Variants in WNT2B observed in about 807,000 individuals in gnomAD.
WNT2B encodes the protein protein Wnt-2b.
Under a neutral mutation model 40.5 loss-of-function variants are expected in WNT2B, and 19 were observed. The ratio of observed to expected loss-of-function variants is 0.47; its 90% confidence interval spans 0.33 to 0.69. The LOEUF is 0.69. WNT2B is among the 30% of genes least tolerant of loss of function. The probability of loss-of-function intolerance (pLI) is 0.02; values close to 1 mark genes in which losing one functional copy is unlikely to be tolerated. For synonymous variants in WNT2B, 220 were observed against 211.9 expected, an observed-to-expected ratio of 1.04 and a Z score of -0.33; for missense variants, 467 against 556.4, an observed-to-expected ratio of 0.84 and a Z score of 1.62.
chr1:112,495,828 A>T (rs185899390), intron 1 of WNT2B, among the ~76,000 whole-genome samples: 1 of 152,348 alleles, frequency 6.6e-6, no homozygotes, highest in East Asian at 1.9e-4. Flanking sequence ...ACAGTTCTGC[A>T]GGCTGGGAAG....
intron 1 of WNT2B, among the ~76,000 whole-genome samples, chr1:112,470,620 A>C (rs958094007): frequency 6.6e-6 from 1 of 152,200 alleles, no homozygotes; most frequent in East Asian, 1.9e-4. Flanking sequence ...TCATGCTGCT[A>C]TGGTGTACAA....
At position 112,514,992 on chromosome 1, in the gene WNT2B, C is replaced by T. The variant is rs748702984; in HGVS notation, c.301C>T (p.Arg101Ter). The part of the protein sequence containing the change: ...DIMRSVGEGA[R>*]EWIRECQHQF... ...CATGCGTTCAGTGGGCGAGGGTGCCCGAGAATGGATCCGAGAGTGTCAGCA... is the reference window on the plus strand; with the variant it reads ...CATGCGTTCAGTGGGCGAGGGTGCCTGAGAATGGATCCGAGAGTGTCAGCA... The change falls in exon 2 of 5, where the codon CGA becomes TGA. Residue 101 changes from arginine to a stop codon, truncating the protein, a stop_gained. Transcript: ENST00000369684. LOFTEE classifies it high-confidence loss of function. The T allele has an allele frequency of 1.9e-6, 3 of 1,614,144 alleles. No homozygotes were observed. The highest frequency in any genetic ancestry group is 1.7e-5 in the Admixed American group (1 of 60,030).
chr1:112,506,165 C>G (rs745678865), upstream of WNT2B, among the ~76,000 whole-genome samples: 5 of 152,102 alleles, frequency 3.3e-5, no homozygotes, highest in Non-Finnish European at 7.3e-5. Flanking sequence ...CATGACCACA[C>G]CTGGCTAATT....
intron 1 of WNT2B, among the ~76,000 whole-genome samples, chr1:112,495,922 TG>T (rs1397604329): frequency 6.6e-6 from 1 of 152,132 alleles, no homozygotes; most frequent in African/African-American, 2.4e-5. Flanking sequence ...GGAGGACTGC[TG>T]GATCTTCACA....
chr1:112,467,500 T>A (rs1281586851), exon 1 of WNT2B: 3 of 777,444 alleles, frequency 3.9e-6, no homozygotes, highest in Admixed American at 3.5e-5. Context: ...AACACTGCTG[T>A]CTCCTTTCAC....
chr1:112,493,146 A>T (rs960069269), intron 1 of WNT2B, among the ~76,000 whole-genome samples: 1 of 152,240 alleles, frequency 6.6e-6, no homozygotes. Flanking sequence ...TCTAATGGGT[A>T]AAGTAGACAG....
chr1:112,468,041 A>G lies in WNT2B; in HGVS notation c.-95+450A>G, dbSNP rs548609130. Among the ~76,000 whole-genome samples, 9 of 152,306 alleles carry G rather than the reference A, an allele frequency of 5.9e-5. No homozygotes were observed. The East Asian group carries it at 1.2e-3, about 20-fold the overall frequency. On this transcript the variant is annotated intron_variant, in intron 1 of 4. Transcript: ENST00000256640. ...AGGTCAAGTTTTTTAGCTCCCACAT[A>G]TGAGTAAGAACATGCAGCATTTGTC... is the stretch of plus-strand genomic sequence containing the variant.
intron 1 of WNT2B, among the ~76,000 whole-genome samples, chr1:112,475,066 T>C (rs1283529327): frequency 1.3e-5 from 2 of 152,164 alleles, no homozygotes; most frequent in African/African-American, 4.8e-5. Flanking sequence ...TAAACCTCTT[T>C]TCATTATAAA....
rs1412003059 is a variant in WNT2B, at chr1:112,515,990, A to C, written c.404-150A>C. 8.1e-6 allele frequency: 8 copies of C among 993,478 alleles called. No individual in the cohort carries two copies. Among genetic ancestry groups the C allele is most frequent in the Non-Finnish European group, 1.2e-5 (8 of 686,426 alleles). 61.5% of individuals were successfully genotyped at this position (993,478 alleles called of 1,614,324 possible). On this transcript the variant is annotated intron_variant, in intron 2 of 4. Transcript: ENST00000369684. The surrounding 1 kb of genome is among the most constrained non-coding windows in gnomAD (Gnocchi z 4.4). ...GATACTCTGGGGAATGCTCTTGGAA[A>C]TGAAAGGCACCTTGAATAAAGGGGG... is the stretch of plus-strand genomic sequence containing the variant.
upstream of WNT2B, among the ~76,000 whole-genome samples, chr1:112,508,202 G>C (rs986175995): frequency 2.6e-5 from 4 of 151,926 alleles, no homozygotes; most frequent in Admixed American, 2.0e-4. This position sits in a 1 kb window ranked among gnomAD's most constrained non-coding sequence, Gnocchi z 4.2. Context: ...CGCCCGAGAG[G>C]GTGGAGGACC....
rs144263188 is a variant in WNT2B, at chr1:112,475,814, T to C, written c.-95+8223T>C. Among the ~76,000 whole-genome samples the C allele has an allele frequency of 4.9e-3, 750 of 152,310 alleles. 4 individuals carry two copies. The highest frequency in any genetic ancestry group is 0.017 in the African/African-American group (713 of 41,578). The stretch of plus-strand genomic sequence containing the variant: ...TAACATTATTGATTTAAGCTAACTA[T>C]ATGAATAATCGCTTACAATTTAAAT... On this transcript the variant is annotated intron_variant, in intron 1 of 4. Transcript: ENST00000256640.
intron 1 of WNT2B, among the ~76,000 whole-genome samples, chr1:112,485,765 A>T (rs546992441): frequency 6.6e-6 from 1 of 152,304 alleles, no homozygotes; most frequent in East Asian, 1.9e-4. Context: ...ACCTAAAAAA[A>T]CTGTAAAACT....
At chr1:112,474,743 T>TC (rs1326289476) in intron 1 of WNT2B, among the ~76,000 whole-genome samples, 1 of 152,216 alleles carries the variant, frequency 6.6e-6, no homozygotes, top group Non-Finnish European at 1.5e-5. Context: ...CGAATTGTGA[T>TC]CTCCAATGTT....
In WNT2B at chr1:112,527,285, GAGA is replaced by G. The variant is rs1479090721; in HGVS notation, c.*6781_*6783del. The G allele has an allele frequency of 6.6e-6, 1 of 152,326 alleles. No homozygotes were observed. Among genetic ancestry groups the G allele is most frequent in the Non-Finnish European group, 1.5e-5 (1 of 68,106 alleles). The allele number at this position is 152,326 out of a possible 1,614,324, so 9.4% of individuals were successfully genotyped here. A position where few individuals can be genotyped will look rare whatever the true frequency, so the allele number is the denominator to read the frequency against. On this transcript the variant is annotated 3_prime_UTR_variant, in exon 5 of 5. Coordinates refer to ENST00000369684, the MANE Select transcript of WNT2B (RefSeq NM_024494.3). Reference sequence around the variant, plus strand: ...TGACCTGGGCCCCTACTTGAGCTAGGAGAAGAACACCTCATGAAAACAGTCTAC... The same window carrying G: ...TGACCTGGGCCCCTACTTGAGCTAGGAGAACACCTCATGAAAACAGTCTAC...
chr1:112,483,711 T>C (rs1354554876), intron 1 of WNT2B, among the ~76,000 whole-genome samples: 1 of 150,116 alleles, frequency 6.7e-6, no homozygotes, highest in Admixed American at 6.6e-5. Flanking sequence ...GGAGAAAATA[T>C]TTTCAAACTA....
chr1:112,481,663 G>A (rs1651227972), intron 1 of WNT2B, among the ~76,000 whole-genome samples: 1 of 152,152 alleles, frequency 6.6e-6, no homozygotes, highest in Non-Finnish European at 1.5e-5. Context: ...TGAAAAAACT[G>A]TTAGAACTAA....
chr1:112,504,561 C>G (rs1191728400), upstream of WNT2B, among the ~76,000 whole-genome samples: 1 of 152,138 alleles, frequency 6.6e-6, no homozygotes, highest in African/African-American at 2.4e-5. Context: ...TCTTTTCCCC[C>G]CTTAACAGCT....
chr1:112,510,486 C>T (rs1652310653), intron 1 of WNT2B, among the ~76,000 whole-genome samples: 1 of 151,938 alleles, frequency 6.6e-6, no homozygotes, highest in Admixed American at 6.5e-5. Flanking sequence ...GTTCTTCTTC[C>T]CGTGCAAGCC....
upstream of WNT2B, among the ~76,000 whole-genome samples, chr1:112,507,366 T>A (rs1345765983): frequency 6.6e-6 from 1 of 152,168 alleles, no homozygotes; most frequent in Non-Finnish European, 1.5e-5. Flanking sequence ...AGTCCTGGCA[T>A]GTGGTAGGAA....
Sources: gnomAD v4.1 joint callset for allele counts (sites outside exome capture counted in the v4.1 genomes callset) on GRCh38, gnomAD v4.1.1 for gene constraint, Gnocchi (gnomAD v3.1) non-coding constraint, MANE v1.5 for transcripts, NCBI Gene and HGNC (gene_info 2026-07-23, HGNC 2026-07-21) for gene names.